TNKS: variants seen among roughly 807,000 people sequenced by gnomAD.
TNKS encodes poly [ADP-ribose] polymerase tankyrase-1.
TNKS carries 72 observed loss-of-function variants against 135.8 expected under a neutral mutation model. The observed-to-expected ratio is 0.53, with a 90% confidence interval of 0.44 to 0.64. The LOEUF (loss-of-function observed/expected upper bound fraction) is 0.64, where lower values mean the gene tolerates loss of function less well. Ranked by LOEUF, TNKS falls within the 30% of genes least tolerant of loss-of-function variation. The probability of loss-of-function intolerance (pLI) is 0.00; values close to 1 mark genes in which losing one functional copy is unlikely to be tolerated. For missense variants in TNKS, 1,769 were observed against 1,674.0 expected (o/e 1.06, Z -0.99); for synonymous variants, 849 against 649.3 (o/e 1.31, Z -4.68).
chr8:9,648,000 A>T (rs1800981215), intron 3 of TNKS, among the ~76,000 whole-genome samples: 1 of 152,188 alleles, frequency 6.6e-6, no homozygotes, highest in South Asian at 2.1e-4. Flanking sequence ...GTTTATCTAA[A>T]CATAGAAAAG....
chr8:9,637,045 T>C (rs1800539339), intron 3 of TNKS, among the ~76,000 whole-genome samples: 1 of 152,204 alleles, frequency 6.6e-6, no homozygotes, highest in South Asian at 2.1e-4. Context: ...TGAGTGGACA[T>C]GCAGAAGAAT....
At chr8:9,648,312 T>C (rs943114185) in intron 3 of TNKS, among the ~76,000 whole-genome samples, 7 of 152,240 alleles carry the variant, frequency 4.6e-5, no homozygotes, top group Admixed American at 2.0e-4. Flanking sequence ...TTGACTGTTA[T>C]GATAACACTT....
chr8:9,657,613 A>C (rs1585287806), intron 3 of TNKS, among the ~76,000 whole-genome samples: 11 of 71,684 alleles, frequency 1.5e-4, no homozygotes, highest in African/African-American at 2.7e-4. Flanking sequence ...TGACCCCCCT[A>C]CCTCCCTCCT....
intron 21 of TNKS, 26 bp downstream of exon 21, chr8:9,761,662 AT>A: frequency 1.3e-6 from 2 of 1,574,872 alleles, no homozygotes; most frequent in Admixed American, 2.1e-5. Flanking sequence ...AAAAAAAAAA[AT>A]TTCAGAAATC....
chr8:9,614,031 A>G (rs1799552918), intron 2 of TNKS, among the ~76,000 whole-genome samples: 1 of 152,198 alleles, frequency 6.6e-6, no homozygotes, highest in African/African-American at 2.4e-5. Context: ...TCCCCTTTGC[A>G]TGTGATCACT....
At chr8:9,661,818 T>C (rs1404853557) in intron 3 of TNKS, among the ~76,000 whole-genome samples, 1 of 151,736 alleles carries the variant, frequency 6.6e-6, no homozygotes, top group East Asian at 1.9e-4. Flanking sequence ...TGGGAGAAAA[T>C]TTTTTGCAAC....
chr8:9,590,939 C>G (rs1020921384), intron 2 of TNKS, among the ~76,000 whole-genome samples: 3 of 152,142 alleles, frequency 2.0e-5, no homozygotes, highest in Admixed American at 1.3e-4. Context: ...TCTGTTTCTG[C>G]TTTCGTTGCT....
chr8:9,759,375 G>A (rs889099093), intron 20 of TNKS, among the ~76,000 whole-genome samples: 4 of 152,216 alleles, frequency 2.6e-5, no homozygotes, highest in Non-Finnish European at 5.9e-5. Flanking sequence ...TCATAAGTCT[G>A]TCTCACACGG....
chr8:9,667,967 A>T (rs952486667), intron 3 of TNKS, among the ~76,000 whole-genome samples: 1 of 151,958 alleles, frequency 6.6e-6, no homozygotes, highest in African/African-American at 2.4e-5. Context: ...ACTGATACAG[A>T]TAACAGAAAT....
chr8:9,715,134 T>G (rs553449048), intron 11 of TNKS, among the ~76,000 whole-genome samples: 1 of 152,152 alleles, frequency 6.6e-6, no homozygotes, highest in African/African-American at 2.4e-5. Flanking sequence ...CTGAGAGAAA[T>G]CAAGGCAGAC....
At chr8:9,706,057 T>C (rs1804029567) in intron 6 of TNKS, 130 bp from the exon 7 acceptor site, 2 of 505,720 alleles carry the variant, frequency 4.0e-6, no homozygotes, top group Non-Finnish European at 6.4e-6. Context: ...ATTCTTTTAT[T>C]ATTTTATTAA....
At chr8:9,628,793 G>A (rs1419825014) in intron 3 of TNKS, among the ~76,000 whole-genome samples, 1 of 152,090 alleles carries the variant, frequency 6.6e-6, no homozygotes, top group Non-Finnish European at 1.5e-5. Flanking sequence ...TTCCAAATGA[G>A]TTGTCTGGAT....
rs1429371057 is a variant in TNKS, at chr8:9,612,857, GTATGT to G, written c.899-2721_899-2717del. On this transcript the variant is annotated intron_variant, in intron 2 of 26. Transcript: ENST00000310430. Reference sequence around the variant, plus strand: ...AACATAAACAGTCAACACTTATTTTGTATGTTATATGTATTATATATTGTATTCTT... The same window carrying G: ...AACATAAACAGTCAACACTTATTTTGTATATGTATTATATATTGTATTCTT... Among the ~76,000 whole-genome samples the G allele has an allele frequency of 2.0e-5, 3 of 152,156 alleles. No individual in the cohort carries two copies. In the East Asian group the frequency reaches 5.8e-4, roughly 29 times the overall value.
chr8:9,617,453 G>C (rs1400312438), intron 3 of TNKS, among the ~76,000 whole-genome samples: 2 of 152,130 alleles, frequency 1.3e-5, no homozygotes, highest in African/African-American at 2.4e-5. Flanking sequence ...TTTTGGAAAT[G>C]ATCTACAGCT....
At chr8:9,558,949 T>C (rs888461580) in intron 1 of TNKS, 1 of 152,214 alleles carries the variant, frequency 6.6e-6, no homozygotes, top group African/African-American at 2.4e-5. Context: ...ATCAGTTGAC[T>C]GGTTATTATG....
At chr8:9,743,142 T>G (rs1226675584) in intron 17 of TNKS, among the ~76,000 whole-genome samples, 1 of 152,154 alleles carries the variant, frequency 6.6e-6, no homozygotes, top group Non-Finnish European at 1.5e-5. Flanking sequence ...TTTTGTGGAG[T>G]AGATTTTCTG....
chr8:9,607,620 G>C (rs911320719), intron 2 of TNKS, among the ~76,000 whole-genome samples: 1 of 151,976 alleles, frequency 6.6e-6, no homozygotes, highest in Non-Finnish European at 1.5e-5. Context: ...TCCATTTGTC[G>C]TATCAAAAAT....
intron 3 of TNKS, among the ~76,000 whole-genome samples, chr8:9,655,144 G>C (rs984986566): frequency 6.6e-6 from 1 of 152,194 alleles, no homozygotes; most frequent in Non-Finnish European, 1.5e-5. Context: ...CTCACTCATT[G>C]CTAGCCCAGC....
chr8:9,580,895 T>G (rs1367419893), intron 2 of TNKS, among the ~76,000 whole-genome samples: 1 of 152,234 alleles, frequency 6.6e-6, no homozygotes, highest in Non-Finnish European at 1.5e-5. Flanking sequence ...AATTGGACTT[T>G]TCAATCATTT....
Sources: gnomAD v4.1 joint callset for allele counts (sites outside exome capture counted in the v4.1 genomes callset) on GRCh38, gnomAD v4.1.1 for gene constraint, MANE v1.5 for transcripts, NCBI Gene and HGNC (gene_info 2026-07-23, HGNC 2026-07-21) for gene names.